SPSB1: variants seen among roughly 807,000 people sequenced by gnomAD.
SPSB1 encodes the protein SPRY domain-containing SOCS box protein 1.
Under a neutral mutation model 21.2 loss-of-function variants are expected in SPSB1, and 8 were observed. That is an observed-to-expected ratio of 0.38 (90% confidence interval 0.22 to 0.68). The LOEUF (loss-of-function observed/expected upper bound fraction) is 0.68. SPSB1 is among the 30% of genes least tolerant of loss of function. The probability of loss-of-function intolerance (pLI) is 0.53; values close to 1 mark genes in which losing one functional copy is unlikely to be tolerated. For missense variants in SPSB1, 242 were observed against 377.8 expected, an observed-to-expected ratio of 0.64 and a Z score of 2.98; for synonymous variants, 169 against 161.7, an observed-to-expected ratio of 1.05 and a Z score of -0.34.
chr1:9,362,421 A>G (rs1421533715), intron 2 of SPSB1, among the ~76,000 whole-genome samples: 2 of 152,338 alleles, frequency 1.3e-5, no homozygotes, highest in East Asian at 3.9e-4. Context: ...TGCGTAGTGT[A>G]GAGGAAAACA....
At position 9,292,956 on chromosome 1, in the gene SPSB1, CGCCGGGGCCGGG is replaced by C. The variant is rs375287923; in HGVS notation, c.-260_-249del. On this transcript the variant is annotated 5_prime_UTR_variant, in exon 1 of 3. Coordinates refer to ENST00000328089, the MANE Select transcript of SPSB1 (RefSeq NM_025106.4). ...GCAGGAACCAGGCTCCAGGCGCCGG[CGCCGGGGCCGGG>C]GCCGCGGGGAGGAGGCGACTTCGCT... The C allele has an allele frequency of 5.3e-5, 52 of 982,122 alleles. No individual in the cohort carries two copies. The highest frequency in any genetic ancestry group is 6.3e-5 in the Non-Finnish European group (52 of 828,426). 60.8% of individuals were successfully genotyped at this position (982,122 alleles called of 1,614,324 possible).
At chr1:9,360,056 G>T (rs1640444516) in intron 2 of SPSB1, among the ~76,000 whole-genome samples, 2 of 152,292 alleles carry the variant, frequency 1.3e-5, no homozygotes, top group South Asian at 4.1e-4. Flanking sequence ...CATCCAGGGG[G>T]CCCTGCAAGC....
At chr1:9,313,882 AACAAG>A (rs1639564659) in intron 1 of SPSB1, among the ~76,000 whole-genome samples, 1 of 152,200 alleles carries the variant, frequency 6.6e-6, no homozygotes, top group Non-Finnish European at 1.5e-5. Context: ...TATAGGAGTG[AACAAG>A]ACAACTGGCC....
intron 1 of SPSB1, among the ~76,000 whole-genome samples, chr1:9,344,077 C>T (rs4484947): frequency 0.37 from 55,623 of 152,040 alleles, 11,860 homozygotes; most frequent in Non-Finnish European, 0.49. Context: ...CGTGAGCCAC[C>T]GCACCTGGCC....
In SPSB1 at chr1:9,293,710, C is replaced by T. The variant is rs1350068882; in HGVS notation, c.-150+639C>T. On this transcript the variant is annotated intron_variant, in intron 1 of 2. Transcript: ENST00000328089. This position sits in a 1 kb window ranked among gnomAD's most constrained non-coding sequence, Gnocchi z 5.1. ...ATTAAATCAGAAAAACAAGGGCGGC[C>T]TGGGCCCGCGGGAGGAACCGCGGAT... Among the ~76,000 whole-genome samples the T allele has an allele frequency of 1.3e-5, 2 of 152,106 alleles. No homozygotes were observed. The highest frequency in any genetic ancestry group is 2.9e-5 in the Non-Finnish European group (2 of 67,996).
chr1:9,363,685 C>T lies in SPSB1; in HGVS notation c.695-3763C>T, dbSNP rs1640512827. On this transcript the variant is annotated intron_variant, in intron 2 of 2. Transcript: ENST00000328089. This position sits in a 1 kb window ranked among gnomAD's most constrained non-coding sequence, Gnocchi z 4.5. ...GGATGGAGCTGGGGGCTCATGTGGG[C>T]CTCTGCAGTTTTAGAAAATTTTTTT... Among the ~76,000 whole-genome samples, 1 of 152,024 alleles carries T rather than the reference C, an allele frequency of 6.6e-6. No homozygotes were observed. Among genetic ancestry groups the T allele is most frequent in the Non-Finnish European group, 1.5e-5 (1 of 67,994 alleles).
intron 1 of SPSB1, among the ~76,000 whole-genome samples, chr1:9,332,312 G>A (rs915442061): frequency 1.3e-5 from 2 of 152,152 alleles, no homozygotes; most frequent in East Asian, 3.8e-4. Context: ...TGAGAGTGAA[G>A]GTGGGATTCA....
chr1:9,356,293 G>A lies in SPSB1; in HGVS notation c.402G>A (p.Gly134=). 6.2e-7 allele frequency: 1 copy of A among 1,613,656 alleles called. No individual in the cohort carries two copies. Among genetic ancestry groups the A allele is most frequent in the Non-Finnish European group, 8.5e-7 (1 of 1,180,024 alleles). The stretch of plus-strand genomic sequence containing the variant: ...CTGTCGGGTACACAACCCTCGTGGG[G>A]AATAACCACGAGTCCTGGGGCTGGG... ...LHSVGYTTLV[G]NNHESWGWDL... The change falls in exon 2 of 3, where the codon GGG becomes GGA. Residue 134 remains glycine, a synonymous_variant. Transcript: ENST00000328089. The surrounding 1 kb of genome is among the most constrained non-coding windows in gnomAD (Gnocchi z 7.4).
intron 1 of SPSB1, among the ~76,000 whole-genome samples, chr1:9,296,570 C>T (rs1287279498): frequency 5.1e-5 from 4 of 78,230 alleles, no homozygotes; most frequent in Non-Finnish European, 9.6e-5. Flanking sequence ...TACTTATGCT[C>T]ACAGAAGATG....
At chr1:9,339,986 C>T (rs1217939684) in intron 1 of SPSB1, among the ~76,000 whole-genome samples, 3 of 135,650 alleles carry the variant, frequency 2.2e-5, no homozygotes, top group Non-Finnish European at 5.1e-5. Context: ...CTCGGGAGGA[C>T]CCCCACCGAC....
chr1:9,318,814 G>A (rs756337203), intron 1 of SPSB1, among the ~76,000 whole-genome samples: 3 of 152,168 alleles, frequency 2.0e-5, no homozygotes, highest in Non-Finnish European at 4.4e-5. Context: ...GCATATAGTG[G>A]GGGACAGTCA....
At chr1:9,338,718 G>A (rs1251512355) in intron 1 of SPSB1, among the ~76,000 whole-genome samples, 1 of 152,196 alleles carries the variant, frequency 6.6e-6, no homozygotes, top group Non-Finnish European at 1.5e-5. Context: ...CGCCTTTTGA[G>A]GTCTGAGGGG....
chr1:9,367,742 A>T lies in SPSB1; in HGVS notation c.*167A>T. 9.8e-7 allele frequency: 1 copy of T among 1,021,996 alleles called. No individual in the cohort carries two copies. Among genetic ancestry groups the T allele is most frequent in the Non-Finnish European group, 1.4e-6 (1 of 724,042 alleles). The allele number at this position is 1,021,996 out of a possible 1,614,324, so 63.3% of individuals were successfully genotyped here. A position where few individuals can be genotyped will look rare whatever the true frequency, so the allele number is the denominator to read the frequency against. Reference sequence around the variant, plus strand: ...GGCTGCCTCCATGGGACAAGGACCGATTCCAACACAGGCTCCTCTTTCCCC... The same window carrying T: ...GGCTGCCTCCATGGGACAAGGACCGTTTCCAACACAGGCTCCTCTTTCCCC... On this transcript the variant is annotated 3_prime_UTR_variant, in exon 3 of 3. Coordinates refer to ENST00000328089, the MANE Select transcript of SPSB1 (RefSeq NM_025106.4). The surrounding 1 kb of genome is among the most constrained non-coding windows in gnomAD (Gnocchi z 5.9).
chr1:9,358,103 T>C lies in SPSB1; in HGVS notation c.694+1518T>C, dbSNP rs371181090. On this transcript the variant is annotated intron_variant, in intron 2 of 2. Transcript: ENST00000328089. ...TCTCCAAGCCTGCAGCTTCTCCTCC[T>C]GGAGAAGGAGGTCCTCCTCCTGCTC... Among the ~76,000 whole-genome samples, 580 of 152,278 alleles carry C rather than the reference T, an allele frequency of 3.8e-3. 3 individuals are homozygous for C. The highest frequency in any genetic ancestry group is 8.7e-3 in the African/African-American group (360 of 41,546).
chr1:9,355,937 G>T lies in SPSB1; in HGVS notation c.46G>T (p.Asp16Tyr). ...AGGGATCAAGACTGTGGACATGAGG[G>T]ACCCCACGTACAGGCCCCTGAAGCA... Reference protein sequence around the residue: ...TGGIKTVDMRDPTYRPLKQEL... With the variant: ...TGGIKTVDMRYPTYRPLKQEL... The change falls in exon 2 of 3, where the codon GAC becomes TAC. Residue 16 changes from aspartate (D) to tyrosine (Y), a missense_variant. Coordinates refer to ENST00000328089, the MANE Select transcript of SPSB1 (RefSeq NM_025106.4). The T allele has an allele frequency of 3.7e-6, 6 of 1,609,334 alleles. No homozygotes were observed. Among genetic ancestry groups the T allele is most frequent in the Non-Finnish European group, 5.1e-6 (6 of 1,177,448 alleles).
At chr1:9,319,441 C>T (rs1639671984) in intron 1 of SPSB1, among the ~76,000 whole-genome samples, 1 of 152,138 alleles carries the variant, frequency 6.6e-6, no homozygotes, top group South Asian at 2.1e-4. Flanking sequence ...CCTTCTCCTC[C>T]CTCTAGGATC....
Position 9,348,332 on chromosome 1 carries a change from A to G in SPSB1, c.-149-7411A>G, listed in dbSNP as rs1488256365. Among the ~76,000 whole-genome samples the G allele has an allele frequency of 6.6e-6, 1 of 152,050 alleles. No homozygotes were observed. The highest frequency in any genetic ancestry group is 2.4e-5 in the African/African-American group (1 of 41,372). ...AGCATCACATTCCTCTGTGCCTTGC[A>G]TAATGAAAGCAAACCGTGGCTGTAT... On this transcript the variant is annotated intron_variant, in intron 1 of 2. Coordinates refer to ENST00000328089, the MANE Select transcript of SPSB1 (RefSeq NM_025106.4). This position sits in a 1 kb window ranked among gnomAD's most constrained non-coding sequence, Gnocchi z 4.8.
Position 9,355,806 on chromosome 1 carries a change from G to C in SPSB1, c.-86G>C. ...GCAGCCCTCATTAGGAATTCTGTCT[G>C]GCCCCGATCAGAATACTGGAGACGA... On this transcript the variant is annotated 5_prime_UTR_variant, in exon 2 of 3. Coordinates refer to ENST00000328089, the MANE Select transcript of SPSB1 (RefSeq NM_025106.4). 1 of 1,502,664 alleles carries C rather than the reference G, an allele frequency of 6.7e-7. No individual in the cohort carries two copies. The highest frequency in any genetic ancestry group is 8.9e-7 in the Non-Finnish European group (1 of 1,126,580). 93.1% of individuals were successfully genotyped at this position (1,502,664 alleles called of 1,614,324 possible).
chr1:9,339,156 C>T (rs1640050912), intron 1 of SPSB1: 1 of 964,214 alleles, frequency 1.0e-6, no homozygotes, highest in Non-Finnish European at 1.2e-6. Flanking sequence ...GAGGTCCTGC[C>T]CTCACCCCTC....
Sources: allele counts gnomAD v4.1 joint callset (sites outside exome capture counted in the v4.1 genomes callset), GRCh38; gene constraint gnomAD v4.1.1; non-coding constraint Gnocchi (gnomAD v3.1); transcripts MANE v1.5; gene names NCBI Gene and HGNC (gene_info 2026-07-23, HGNC 2026-07-21).